The following EIF3J variants were observed in gnomAD, a reference collection of about 807,000 sequenced individuals.
EIF3J encodes the protein eukaryotic translation initiation factor 3, subunit 1 (alpha, 35kD).
Under a neutral mutation model 39.0 loss-of-function variants are expected in EIF3J, and 15 were observed. The observed-to-expected ratio is 0.38, with a 90% CI of 0.26 to 0.59. EIF3J has a LOEUF of 0.59. Among genes scored for constraint, EIF3J ranks in the 20% least tolerant of loss-of-function variants. The pLI is 0.60. For synonymous variants in EIF3J, 98 were observed against 112.9 expected (o/e 0.87, Z 0.84); for missense variants, 226 against 308.6 (o/e 0.73, Z 2.00).
At chr15:44,549,951 C>T (rs1458020046) in intron 2 of EIF3J, among the ~76,000 whole-genome samples, 1 of 146,352 alleles carries the variant, frequency 6.8e-6, no homozygotes, top group Non-Finnish European at 1.5e-5. Context: ...GAAACTCCGT[C>T]TCAAAAAAAA....
rs368372196 is a variant in EIF3J, at chr15:44,550,876, G to A, written c.148G>A (p.Asp50Asn). The change falls in exon 3 of 8, where the codon GAT becomes AAT. Residue 50 changes from aspartate to asparagine, a missense_variant and splice_region_variant. Coordinates refer to ENST00000261868, the MANE Select transcript of EIF3J (RefSeq NM_003758.4). ...EGEDEDEDVK[D>N]NWDDDDDEKK... ...TATTAATGGAAGTCCTTTTCTTTAG[G>A]ATAACTGGGATGACGATGATGATGA... is the stretch of plus-strand genomic sequence containing the variant. 1.3e-6 allele frequency: 2 copies of A among 1,593,374 alleles called. No homozygotes were observed. The highest frequency in any genetic ancestry group is 1.7e-6 in the Non-Finnish European group (2 of 1,163,758).
chr15:44,548,645 T>C (rs1202514558), intron 2 of EIF3J, among the ~76,000 whole-genome samples: 4 of 152,216 alleles, frequency 2.6e-5, no homozygotes, highest in Non-Finnish European at 5.9e-5. Flanking sequence ...AAGTCCAGTA[T>C]CAAGGTGCTG....
At chr15:44,552,613 G>A (rs938338900) in intron 4 of EIF3J, among the ~76,000 whole-genome samples, 1 of 151,972 alleles carries the variant, frequency 6.6e-6, no homozygotes, top group Non-Finnish European at 1.5e-5. Flanking sequence ...CGCCCAGGCG[G>A]GAGTGCAATG....
intron 2 of EIF3J, among the ~76,000 whole-genome samples, chr15:44,545,219 T>A (rs2082044064): frequency 6.6e-6 from 1 of 152,234 alleles, no homozygotes; most frequent in Non-Finnish European, 1.5e-5. Flanking sequence ...ATACTATTTT[T>A]ATTTTTATTA....
chr15:44,537,725 C>G (rs1282877045), intron 2 of EIF3J, among the ~76,000 whole-genome samples: 1 of 152,214 alleles, frequency 6.6e-6, no homozygotes, highest in Non-Finnish European at 1.5e-5. Context: ...GCTTCGCGGT[C>G]CGGAGCCTCT....
chr15:44,554,708 A>G (rs755725122), intron 5 of EIF3J, 41 bp downstream of exon 5: 3 of 1,298,200 alleles, frequency 2.3e-6, no homozygotes, highest in Non-Finnish European at 3.2e-6. Context: ...TTAAACTGTT[A>G]CAGGTGAAGA....
chr15:44,558,490 C>G (rs1239734839), intron 6 of EIF3J, among the ~76,000 whole-genome samples: 1 of 151,990 alleles, frequency 6.6e-6, no homozygotes, highest in Non-Finnish European at 1.5e-5. Flanking sequence ...GATCGTGCCA[C>G]CGCACTCCAG....
chr15:44,551,005 C>T, intron 3 of EIF3J, 75 bp downstream of exon 3: 1 of 1,521,610 alleles, frequency 6.6e-7, no homozygotes, highest in South Asian at 1.3e-5. Flanking sequence ...AGACAAATGA[C>T]AGAACGCTCA....
At position 44,537,545 on chromosome 15, in the gene EIF3J, G is replaced by A; in HGVS notation, c.147+118G>A. ...GCCGTGGGTCCAGGCGCGAGCATAG[G>A]GCCTGGCGGTGCTCTCTTCCCCTCC... On this transcript the variant is annotated intron_variant, in intron 2 of 7. Coordinates refer to ENST00000261868, the MANE Select transcript of EIF3J (RefSeq NM_003758.4). 8.4e-6 allele frequency: 9 copies of A among 1,070,162 alleles called. No individual in the cohort carries two copies. In the South Asian group the frequency reaches 1.3e-4, roughly 15 times the overall value. The allele number at this position is 1,070,162 out of a possible 1,614,324, so 66.3% of individuals were successfully genotyped here.
chr15:44,562,327 TTAAG>T lies in EIF3J; in HGVS notation c.*1181_*1184del, dbSNP rs1454886113. The T allele has an allele frequency of 6.6e-6, 1 of 152,636 alleles. No homozygotes were observed. Among genetic ancestry groups the T allele is most frequent in the Admixed American group, 6.5e-5 (1 of 15,270 alleles). The allele number at this position is 152,636 out of a possible 1,614,324, so 9.5% of individuals were successfully genotyped here. A position where few individuals can be genotyped will look rare whatever the true frequency, so the allele number is the denominator to read the frequency against. Reference sequence around the variant, plus strand: ...TATTTAGATACCAAGGCCTAATTAATTAAGTACCTATAAGAACTATTTATTTGGA... The same window carrying T: ...TATTTAGATACCAAGGCCTAATTAATTACCTATAAGAACTATTTATTTGGA... On this transcript the variant is annotated 3_prime_UTR_variant, in exon 8 of 8. Coordinates refer to ENST00000261868, the MANE Select transcript of EIF3J (RefSeq NM_003758.4).
intron 6 of EIF3J, among the ~76,000 whole-genome samples, chr15:44,558,487 C>G (rs986869037): frequency 6.6e-5 from 10 of 151,978 alleles, no homozygotes; most frequent in African/African-American, 2.4e-4. Context: ...TGAGATCGTG[C>G]CACCGCACTC....
At chr15:44,551,670 T>G (rs1397757196) in intron 4 of EIF3J, 148 bp downstream of exon 4, 4 of 608,930 alleles carry the variant, frequency 6.6e-6, no homozygotes, top group Non-Finnish European at 1.1e-5. Flanking sequence ...ACAAATTGAT[T>G]TGTGGTTTTT....
chr15:44,552,496 C>T (rs954673070), intron 4 of EIF3J, among the ~76,000 whole-genome samples: 4 of 152,070 alleles, frequency 2.6e-5, no homozygotes, highest in African/African-American at 2.4e-5. Flanking sequence ...CTGCCTGCTT[C>T]GACCTCCCAA....
At chr15:44,537,992 C>A (rs1414183099) in intron 2 of EIF3J, among the ~76,000 whole-genome samples, 1 of 152,128 alleles carries the variant, frequency 6.6e-6, no homozygotes, top group Non-Finnish European at 1.5e-5. Flanking sequence ...TTCCCCCACC[C>A]TGTGGTAAAA....
chr15:44,547,157 T>G (rs1364115601), intron 2 of EIF3J, among the ~76,000 whole-genome samples: 1 of 151,598 alleles, frequency 6.6e-6, no homozygotes, highest in African/African-American at 2.4e-5. Context: ...TGACTTTTTT[T>G]TGTGAGACGG....
intron 6 of EIF3J, chr15:44,559,183 G>A (rs1210418286): frequency 6.8e-6 from 1 of 147,154 alleles, no homozygotes; most frequent in Non-Finnish European, 1.5e-5. Context: ...TAGATCACCT[G>A]AGGTCAGGAG....
chr15:44,550,089 A>C (rs1769992385), intron 2 of EIF3J, among the ~76,000 whole-genome samples: 3 of 152,182 alleles, frequency 2.0e-5, no homozygotes, highest in Non-Finnish European at 4.4e-5. Flanking sequence ...TCAACATTGC[A>C]CTAGAGGTTT....
At chr15:44,547,524 A>G (rs2082064769) in intron 2 of EIF3J, among the ~76,000 whole-genome samples, 1 of 138,486 alleles carries the variant, frequency 7.2e-6, no homozygotes, top group Non-Finnish European at 1.5e-5. Context: ...ATCTTGGCTC[A>G]CTGCAACCTC....
In EIF3J at chr15:44,562,282, A is replaced by T. The variant is rs2082207489; in HGVS notation, c.*1133A>T. 1 of 152,442 alleles carries T rather than the reference A, an allele frequency of 6.6e-6. No homozygotes were observed. The highest frequency in any genetic ancestry group is 2.4e-5 in the African/African-American group (1 of 41,414). The allele number at this position is 152,442 out of a possible 1,614,324, so 9.4% of individuals were successfully genotyped here. On this transcript the variant is annotated 3_prime_UTR_variant, in exon 8 of 8. Transcript: ENST00000261868. ...GTATAGGGCTGCCTTCCTCTTATTT[A>T]TTTGGGGACATTATTTTGTTATTTA...
Sources: allele counts gnomAD v4.1 joint callset (sites outside exome capture counted in the v4.1 genomes callset), GRCh38; gene constraint gnomAD v4.1.1; transcripts MANE v1.5; gene names NCBI Gene and HGNC (gene_info 2026-07-23, HGNC 2026-07-21).